OR4Q3: variants seen among roughly 807,000 people sequenced by gnomAD.
OR4Q3 encodes the protein olfactory receptor family 4 subfamily Q member 3.
OR4Q3 carries 17 observed loss-of-function variants against 18.8 expected under a neutral mutation model. The observed-to-expected ratio is 0.91, with a 90% confidence interval of 0.62 to 1.36. The LOEUF (loss-of-function observed/expected upper bound fraction) is 1.36, where lower values mean the gene tolerates loss of function less well. Among genes scored for constraint, OR4Q3 ranks in the 40% most tolerant of loss-of-function variants. The pLI is 0.00. For synonymous variants in OR4Q3, 158 were observed against 145.8 expected (o/e 1.08, Z -0.60); for missense variants, 378 against 373.4 (o/e 1.01, Z -0.10).
chr14:19,747,657 T>C, exon 2 of OR4Q3: 2 of 1,614,096 alleles, frequency 1.2e-6, no homozygotes, highest in Non-Finnish European at 1.7e-6. Flanking sequence ...CTGAGCTGTG[T>C]TACTGTGCCA....
chr14:19,751,987 C>T, downstream of OR4Q3, among the ~76,000 whole-genome samples: 1 of 152,174 alleles, frequency 6.6e-6, no homozygotes, highest in African/African-American at 2.4e-5. Flanking sequence ...GAAGATGAAG[C>T]TAGACCCTTG....
At chr14:19,748,332 T>C in exon 2 of OR4Q3, 1 of 1,612,398 alleles carries the variant, frequency 6.2e-7, no homozygotes, top group African/African-American at 1.3e-5. Context: ...ATGAAGAAGC[T>C]GAGGATAAAA....
chr14:19,749,837 A>T, downstream of OR4Q3, among the ~76,000 whole-genome samples: 1 of 143,018 alleles, frequency 7.0e-6, no homozygotes, highest in Non-Finnish European at 1.5e-5. Context: ...TATCCCAATT[A>T]TACAGATTAC....
exon 2 of OR4Q3, chr14:19,748,403 C>G: frequency 1.3e-6 from 2 of 1,483,820 alleles, no homozygotes; most frequent in South Asian, 1.2e-5. Flanking sequence ...GAAAAACACA[C>G]TCTTTCTTGG....
downstream of OR4Q3, among the ~76,000 whole-genome samples, chr14:19,749,736 T>C: frequency 6.6e-6 from 1 of 150,486 alleles, no homozygotes; most frequent in Non-Finnish European, 1.5e-5. Context: ...TCTTTTTCTT[T>C]CTTTCTCTCT....
exon 2 of OR4Q3, chr14:19,748,614 TA>T: frequency 1.9e-5 from 9 of 468,826 alleles, no homozygotes; most frequent in Non-Finnish European, 3.4e-5. Flanking sequence ...CCACAAACGA[TA>T]ACAAGCATTA....
At chr14:19,749,872 T>C, downstream of OR4Q3, among the ~76,000 whole-genome samples, 1 of 29,342 alleles carries the variant, frequency 3.4e-5, no homozygotes, top group African/African-American at 7.0e-5. Context: ...CTTTCTTTCT[T>C]TCTTTCTTTC....
downstream of OR4Q3, among the ~76,000 whole-genome samples, chr14:19,750,917 A>G: frequency 8.1e-4 from 124 of 152,348 alleles, no homozygotes; most frequent in Non-Finnish European, 1.1e-3. Context: ...TATCCCGAAG[A>G]TAATATGTTG....
chr14:19,749,906 CTTTTTTCTTTCTTTCTT>C, downstream of OR4Q3, among the ~76,000 whole-genome samples: 1 of 8,490 alleles, frequency 1.2e-4, no homozygotes, highest in Non-Finnish European at 5.2e-4. Flanking sequence ...TTCTTTCTTT[CTTTTTTCTTTCTTTCTT>C]TCTCTCTCTC....
chr14:19,746,533 G>A, intron 1 of OR4Q3, among the ~76,000 whole-genome samples: 2 of 152,144 alleles, frequency 1.3e-5, no homozygotes, highest in Non-Finnish European at 2.9e-5. Context: ...TCCGTGATAT[G>A]GGTCATGGCT....
chr14:19,752,207 A>G, downstream of OR4Q3, among the ~76,000 whole-genome samples: 4 of 152,238 alleles, frequency 2.6e-5, no homozygotes, highest in Admixed American at 6.5e-5. Context: ...GTACAGAAAA[A>G]GAAACTATCA....
At chr14:19,748,356 C>G in exon 2 of OR4Q3, 1 of 1,605,424 alleles carries the variant, frequency 6.2e-7, no homozygotes. Context: ...TGTGGCATTC[C>G]ATTGCCTTGT....
At chr14:19,747,934 C>T in exon 2 of OR4Q3, 1 of 1,614,040 alleles carries the variant, frequency 6.2e-7, no homozygotes, top group Non-Finnish European at 8.5e-7. Context: ...AGCTGCCTTT[C>T]TGTGGGCCCA....
exon 2 of OR4Q3, chr14:19,747,950 C>G: frequency 4.3e-6 from 7 of 1,614,070 alleles, no homozygotes; most frequent in Non-Finnish European, 5.9e-6. Flanking sequence ...GCCCAATGAA[C>G]TGGACAACTT....
At chr14:19,749,727 C>A, downstream of OR4Q3, among the ~76,000 whole-genome samples, 3,166 of 141,630 alleles carry the variant, frequency 0.022, 39 homozygotes, top group Non-Finnish European at 0.034. Context: ...TTCTTTCTTT[C>A]TTTTTCTTTC....
At chr14:19,752,051 C>G, downstream of OR4Q3, among the ~76,000 whole-genome samples, 1 of 152,198 alleles carries the variant, frequency 6.6e-6, no homozygotes, top group South Asian at 2.1e-4. Flanking sequence ...AAATATAAGA[C>G]CACAAACTAT....
chr14:19,748,550 C>T, exon 2 of OR4Q3: 1 of 574,624 alleles, frequency 1.7e-6, no homozygotes, highest in Non-Finnish European at 3.0e-6. Context: ...AGAAAGCCAC[C>T]TATGCCTTTT....
At chr14:19,745,760 A>T in intron 1 of OR4Q3, among the ~76,000 whole-genome samples, 1 of 152,242 alleles carries the variant, frequency 6.6e-6, no homozygotes, top group Non-Finnish European at 1.5e-5. Context: ...AGAATTTTCA[A>T]TATAGCAGAG....
rs1877357945 is a variant in OR4Q3 at position 19,743,679 on chromosome 14, T to A, written c.2+8T>A. On this transcript the variant is annotated splice_region_variant and intron_variant, in intron 1 of 1. Transcript: ENST00000642117. ...CTTCTGACAAGCAAAGATGTAGGTT[T>A]CTCAGATATGTTTATTCAAAACTCC... The A allele has an allele frequency of 6.6e-6, 1 of 152,442 alleles. No homozygotes were observed. Among genetic ancestry groups the A allele is most frequent in the Middle Eastern group, 3.3e-3 (1 of 300 alleles). 9.4% of individuals were successfully genotyped at this position (152,442 alleles called of 1,614,324 possible). A position where few individuals can be genotyped will look rare whatever the true frequency, so the allele number is the denominator to read the frequency against.
Sources: gnomAD v4.1 joint callset for allele counts (sites outside exome capture counted in the v4.1 genomes callset) on GRCh38, gnomAD v4.1.1 for gene constraint, MANE v1.5 for transcripts, NCBI Gene and HGNC (gene_info 2026-07-23, HGNC 2026-07-21) for gene names.